FUT9: variants seen among roughly 807,000 people sequenced by gnomAD.
FUT9 encodes fucosyltransferase 9.
Under a neutral mutation model 29.7 loss-of-function variants are expected in FUT9, and 15 were observed. The ratio of observed to expected loss-of-function variants is 0.51; its 90% CI spans 0.34 to 0.78. FUT9 has a LOEUF of 0.78. Among genes scored for constraint, FUT9 ranks in the 30% least tolerant of loss-of-function variants. The probability of loss-of-function intolerance (pLI) is 0.01; values close to 1 mark genes in which losing one functional copy is unlikely to be tolerated. For synonymous variants in FUT9, 169 were observed against 153.7 expected (o/e 1.10, Z -0.74); for missense variants, 319 against 425.4 (o/e 0.75, Z 2.20).
chr6:96,064,484 G>A (rs149953830), intron 1 of FUT9, among the ~76,000 whole-genome samples: 11 of 152,180 alleles, frequency 7.2e-5, no homozygotes, highest in South Asian at 2.1e-4. Context: ...GGCTGATGGC[G>A]TCATTAGAGC....
chr6:96,133,639 T>C lies in FUT9; in HGVS notation c.-9+19512T>C, dbSNP rs772432104. Among the ~76,000 whole-genome samples the C allele has an allele frequency of 8.6e-5, 13 of 151,898 alleles. 1 individual carries two copies. Among genetic ancestry groups the C allele is most frequent in the Admixed American group, 7.9e-4 (12 of 15,226 alleles). On this transcript the variant is annotated intron_variant, in intron 2 of 2. Coordinates refer to ENST00000302103, the MANE Select transcript of FUT9 (RefSeq NM_006581.4). ...TAAATTAAGGTGTGTAATTCATACA[T>C]TGAACTTACTGCCACACATGGAATA...
At chr6:96,108,348 T>A (rs1307397871) in intron 1 of FUT9, among the ~76,000 whole-genome samples, 1 of 152,150 alleles carries the variant, frequency 6.6e-6, no homozygotes, top group Non-Finnish European at 1.5e-5. Context: ...CCAGTCCAGC[T>A]GTACCACTTA....
At chr6:96,048,598 A>G (rs965106505) in intron 1 of FUT9, among the ~76,000 whole-genome samples, 4 of 152,208 alleles carry the variant, frequency 2.6e-5, no homozygotes, top group Admixed American at 6.5e-5. Context: ...GAGTGAATTC[A>G]TATTGTCATA....
chr6:96,050,640 A>G lies in FUT9; in HGVS notation c.-98+34428A>G, dbSNP rs537388052. Among the ~76,000 whole-genome samples, 26 of 152,336 alleles carry G rather than the reference A, an allele frequency of 1.7e-4. No individual in the cohort carries two copies. In the South Asian group the frequency reaches 5.0e-3, roughly 29 times the overall value. On this transcript the variant is annotated intron_variant, in intron 1 of 2. Transcript: ENST00000302103. Reference sequence around the variant, plus strand: ...ATCTCAATGGGACTTGGAAATAAATAGTTTACATACCACACTTTAAGTAGC... The same window carrying G: ...ATCTCAATGGGACTTGGAAATAAATGGTTTACATACCACACTTTAAGTAGC...
chr6:96,150,960 G>T (rs1772664555), intron 2 of FUT9, among the ~76,000 whole-genome samples: 1 of 152,156 alleles, frequency 6.6e-6, no homozygotes, highest in Non-Finnish European at 1.5e-5. Context: ...GATTTGAGCT[G>T]TATCACTGAT....
rs531450314 is a variant in FUT9 at position 96,214,978 on chromosome 6, T to C, written c.*10743T>C. The C allele has an allele frequency of 2.1e-4, 35 of 167,058 alleles. No homozygotes were observed. In the Admixed American group the frequency reaches 2.1e-3, roughly 10 times the overall value. The allele number at this position is 167,058 out of a possible 1,614,324, so 10.3% of individuals were successfully genotyped here. On this transcript the variant is annotated 3_prime_UTR_variant, in exon 3 of 3. Coordinates refer to ENST00000302103, the MANE Select transcript of FUT9 (RefSeq NM_006581.4). Reference sequence around the variant, plus strand: ...CTGCTGCATCCTGGGAGCAAAGCATTAATTCAAATGAGGAGTAGTCAGTCC... The same window carrying C: ...CTGCTGCATCCTGGGAGCAAAGCATCAATTCAAATGAGGAGTAGTCAGTCC...
At chr6:96,022,729 C>T (rs1455361241) in intron 1 of FUT9, among the ~76,000 whole-genome samples, 2 of 151,754 alleles carry the variant, frequency 1.3e-5, no homozygotes, top group East Asian at 3.9e-4. Context: ...TACCTTTGTT[C>T]GTCATTGAAT....
At chr6:96,126,550 A>G (rs1001026384) in intron 2 of FUT9, among the ~76,000 whole-genome samples, 8 of 152,222 alleles carry the variant, frequency 5.3e-5, no homozygotes, top group Non-Finnish European at 1.2e-4. Context: ...TTTATACCAT[A>G]GTTTTGCTAT....
intron 1 of FUT9, among the ~76,000 whole-genome samples, chr6:96,111,908 C>T (rs555577782): frequency 6.6e-6 from 1 of 152,128 alleles, no homozygotes; most frequent in African/African-American, 2.4e-5. Flanking sequence ...GAATTATAAC[C>T]AATACACTGC....
intron 1 of FUT9, among the ~76,000 whole-genome samples, chr6:96,082,666 T>C (rs1771256043): frequency 6.6e-6 from 1 of 151,970 alleles, no homozygotes; most frequent in Non-Finnish European, 1.5e-5. Flanking sequence ...ATATGCATTT[T>C]AAAAATTAGT....
intron 2 of FUT9, among the ~76,000 whole-genome samples, chr6:96,201,103 C>T (rs1470446427): frequency 6.6e-6 from 1 of 151,568 alleles, no homozygotes; most frequent in African/African-American, 2.4e-5. Context: ...GATGGTATTC[C>T]TAATTTATTG....
intron 1 of FUT9, among the ~76,000 whole-genome samples, chr6:96,088,760 C>G (rs17056079): frequency 0.069 from 10,476 of 152,010 alleles, 453 homozygotes; most frequent in South Asian, 0.12. Context: ...CCTTTTGCTA[C>G]CTTCTTGTAG....
At chr6:96,093,996 G>T (rs770690500) in intron 1 of FUT9, among the ~76,000 whole-genome samples, 2 of 152,088 alleles carry the variant, frequency 1.3e-5, no homozygotes, top group Admixed American at 6.6e-5. Context: ...TAATGAGGCT[G>T]GAATGTATAT....
chr6:96,042,581 A>T (rs542565323), intron 1 of FUT9, among the ~76,000 whole-genome samples: 2 of 152,298 alleles, frequency 1.3e-5, no homozygotes, highest in South Asian at 4.1e-4. Flanking sequence ...CATGCATATT[A>T]TAAACTAGAG....
rs866437154 is a variant in FUT9 at position 96,214,857 on chromosome 6, C to T, written c.*10622C>T. 2 of 166,894 alleles carry T rather than the reference C, an allele frequency of 1.2e-5. No individual in the cohort carries two copies. Among genetic ancestry groups the T allele is most frequent in the African/African-American group, 4.8e-5 (2 of 41,408 alleles). The allele number at this position is 166,894 out of a possible 1,614,324, so 10.3% of individuals were successfully genotyped here. A position where few individuals can be genotyped will look rare whatever the true frequency, so the allele number is the denominator to read the frequency against. On this transcript the variant is annotated 3_prime_UTR_variant, in exon 3 of 3. Coordinates refer to ENST00000302103, the MANE Select transcript of FUT9 (RefSeq NM_006581.4). ...TTATTTATTTACAGAAGATTGGTTCCTTCCAGTTCAATTTAACAGCTTCAG... is the reference window on the plus strand; with the variant it reads ...TTATTTATTTACAGAAGATTGGTTCTTTCCAGTTCAATTTAACAGCTTCAG...
rs374869820 is a variant in FUT9 at position 96,204,217 on chromosome 6, G to T, written c.1062G>T (p.Glu354Asp). 2.8e-6 allele frequency: 4 copies of T among 1,439,846 alleles called. No homozygotes were observed. Among genetic ancestry groups the T allele is most frequent in the East Asian group, 2.4e-5 (1 of 42,356 alleles). The allele number at this position is 1,439,846 out of a possible 1,614,324, so 89.2% of individuals were successfully genotyped here. ...HQEYKSVGNL[E>D]KWFWN Reference sequence around the variant, plus strand: ...AATATAAGTCTGTTGGTAATTTAGAGAAATGGTTTTGGAATTAAAATTTTT... The same window carrying T: ...AATATAAGTCTGTTGGTAATTTAGATAAATGGTTTTGGAATTAAAATTTTT... Residue 354 changes from glutamate (E) to aspartate (D), a missense_variant, in exon 3 of 3, where the codon GAG (glutamate) becomes GAT (aspartate). Transcript: ENST00000302103.
At chr6:96,068,902 G>C (rs563385010) in intron 1 of FUT9, among the ~76,000 whole-genome samples, 1 of 152,152 alleles carries the variant, frequency 6.6e-6, no homozygotes. Context: ...TGTGAAGTCA[G>C]ATAAACTGTC....
chr6:96,156,908 A>G (rs1220275289), intron 2 of FUT9, among the ~76,000 whole-genome samples: 1 of 152,250 alleles, frequency 6.6e-6, no homozygotes, highest in Admixed American at 6.5e-5. Context: ...GACTGCCTAT[A>G]CATAAAAAAC....
chr6:96,166,663 T>C (rs1773021190), intron 2 of FUT9, among the ~76,000 whole-genome samples: 1 of 152,164 alleles, frequency 6.6e-6, no homozygotes. Flanking sequence ...TAAGAGGCAA[T>C]AAATGTATGT....
Sources: allele counts gnomAD v4.1 joint callset (sites outside exome capture counted in the v4.1 genomes callset), GRCh38; gene constraint gnomAD v4.1.1; transcripts MANE v1.5; gene names NCBI Gene and HGNC (gene_info 2026-07-23, HGNC 2026-07-21).